CDAN1: variants seen among roughly 807,000 people sequenced by gnomAD.
CDAN1 encodes the protein codanin 1.
In CDAN1, 107 loss-of-function variants were observed where a neutral mutation model predicts 139.8. The observed-to-expected ratio is 0.77, with a 90% confidence interval of 0.65 to 0.90. The LOEUF is 0.90. CDAN1 is among the 40% of genes least tolerant of loss of function. CDAN1 has a pLI of 0.00. For synonymous variants in CDAN1, 776 were observed against 660.6 expected (o/e 1.17, Z -2.68); for missense variants, 1,667 against 1,575.7 (o/e 1.06, Z -0.98).
intron 23 of CDAN1, 171 bp from the exon 24 acceptor site, chr15:42,726,588 C>A: frequency 1.6e-6 from 1 of 610,918 alleles, no homozygotes; most frequent in Non-Finnish European, 2.9e-6. Context: ...ATAATACAGC[C>A]AGGGGAAGCA....
At chr15:42,734,951 G>A in intron 6 of CDAN1, 149 bp downstream of exon 6, 1 of 709,986 alleles carries the variant, frequency 1.4e-6, no homozygotes, top group Non-Finnish European at 2.6e-6. Context: ...TACATTCATA[G>A]CCTTAACACA....
chr15:42,733,230 C>T, intron 8 of CDAN1, 44 bp from the exon 9 acceptor site: 1 of 1,487,616 alleles, frequency 6.7e-7, no homozygotes, highest in Non-Finnish European at 9.4e-7. Flanking sequence ...CTCACTCCCA[C>T]CAGTGCCTTC....
intron 8 of CDAN1, among the ~76,000 whole-genome samples, chr15:42,733,486 C>T (rs1254248613): frequency 1.3e-5 from 2 of 152,040 alleles, no homozygotes; most frequent in Admixed American, 6.6e-5. Context: ...CATGTTGGCC[C>T]GGCTGGTCTC....
rs754345967 is a variant in CDAN1, at chr15:42,725,214, TCCA to T, written c.3485_3487del (p.Val1162del). The T allele has an allele frequency of 1.2e-5, 20 of 1,614,140 alleles. No individual in the cohort carries two copies. In the East Asian group the frequency reaches 4.0e-4, roughly 32 times the overall value. On this transcript the variant is annotated inframe_deletion, in exon 27 of 28. Transcript: ENST00000356231. ...CTCCATCCGTCCCATCAGACCCTTC[TCCA>T]CCAGCTCCCGTAGCAAGAATAGCAG...
At chr15:42,731,366 G>A (rs760353879) in intron 11 of CDAN1, 35 bp from the exon 12 acceptor site, 1 of 1,612,050 alleles carries the variant, frequency 6.2e-7, no homozygotes, top group Non-Finnish European at 8.5e-7. Flanking sequence ...ATAAGCACTG[G>A]AAGAGGTACA....
intron 2 of CDAN1, 85 bp downstream of exon 2, chr15:42,736,217 G>C (rs1488036441): frequency 6.3e-7 from 1 of 1,588,724 alleles, no homozygotes; most frequent in Non-Finnish European, 8.6e-7. Context: ...CCATCCTGGC[G>C]CTCCACTGCG....
At position 42,735,952 on chromosome 15, in the gene CDAN1, G is replaced by GT. The variant is rs2061681774; in HGVS notation, c.695dup (p.Asp232GlufsTer3). 6.2e-7 allele frequency: 1 copy of GT among 1,614,072 alleles called. No individual in the cohort carries two copies. The highest frequency in any genetic ancestry group is 8.5e-7 in the Non-Finnish European group (1 of 1,180,024). On this transcript the variant is annotated frameshift_variant, in exon 3 of 28. Transcript: ENST00000356231. LOFTEE classifies it high-confidence loss of function. ...GAAGGCCAAGGCCCCAAGGGCTAGTGTCCAGGGCTGAGGGTTGGGAACTGG... is the reference window on the plus strand; with the variant it reads ...GAAGGCCAAGGCCCCAAGGGCTAGTGTTCCAGGGCTGAGGGTTGGGAACTGG...
Position 42,728,746 on chromosome 15 carries a change from G to A in CDAN1, c.2710C>T (p.Gln904Ter). Residue 904 changes from glutamine (Q) to a stop codon, truncating the protein, a stop_gained, in exon 20 of 28, where the codon CAG (glutamine) becomes TAG (stop). Transcript: ENST00000356231. LOFTEE classifies it high-confidence loss of function. ...GCTGGGTCTCCCCCTTCCTCTCCCT[G>A]TGTCACCAGCTGCTCTTGGAGAAGT... The part of the protein sequence containing the change: ...ESLLQEQLVT[Q>*]GEEGGDPAQL... 15 of 1,614,186 alleles carry A rather than the reference G, an allele frequency of 9.3e-6. No homozygotes were observed. Among genetic ancestry groups the A allele is most frequent in the Non-Finnish European group, 1.3e-5 (15 of 1,180,030 alleles).
intron 11 of CDAN1, 63 bp from the exon 12 acceptor site, chr15:42,731,394 G>T: frequency 6.2e-7 from 1 of 1,606,598 alleles, no homozygotes. Context: ...CCAGAATCGA[G>T]AAGGGGCACT....
At position 42,736,749 on chromosome 15, in the gene CDAN1, G is replaced by A. The variant is rs1467675462; in HGVS notation, c.122C>T (p.Ser41Leu). ...DNAGEAAALS[S>L]LRALRKEFVP... ...GAATTCTTTCCGCAGGGCCCGGAGTGAGCTCAGCGCGGCCGCCTCCCCAGC... is the reference window on the plus strand; with the variant it reads ...GAATTCTTTCCGCAGGGCCCGGAGTAAGCTCAGCGCGGCCGCCTCCCCAGC... The change falls in exon 2 of 28, where the codon TCA becomes TTA. Residue 41 changes from serine to leucine, a missense_variant. By Grantham distance (145) the Ser-to-Leu change is moderately radical. Coordinates refer to ENST00000356231, the MANE Select transcript of CDAN1 (RefSeq NM_138477.4). 6.4e-7 allele frequency: 1 copy of A among 1,555,742 alleles called. No individual in the cohort carries two copies. Among genetic ancestry groups the A allele is most frequent in the Non-Finnish European group, 8.7e-7 (1 of 1,155,994 alleles).
rs1484118648 is a variant in CDAN1, at chr15:42,731,682, G to A, written c.1677C>T (p.Cys559=). 6.2e-7 allele frequency: 1 copy of A among 1,614,066 alleles called. No individual in the cohort carries two copies. Among genetic ancestry groups the A allele is most frequent in the Non-Finnish European group, 8.5e-7 (1 of 1,179,976 alleles). ...GACAGCCTGGGAAGGTGGGGGGTGG[G>A]CAGGGCCCCCCACTGCTCTGAGGAG... ...LMAPQSSGGP[C]PPPTFPGCQG... The change falls in exon 11 of 28, where the codon TGC becomes TGT. Residue 559 remains cysteine (C), a synonymous_variant. Transcript: ENST00000356231.
rs1566978210 is a variant in CDAN1, at chr15:42,725,269, G to C, written c.3451-18C>G. On this transcript the variant is annotated intron_variant, in intron 26 of 27. Coordinates refer to ENST00000356231, the MANE Select transcript of CDAN1 (RefSeq NM_138477.4). ...AAGTCCCACTGCAAAACACACCGAG[G>C]TCAGGGTTGCTAGGAGGACGACAGA... The C allele has an allele frequency of 6.2e-7, 1 of 1,609,722 alleles. No homozygotes were observed. Among genetic ancestry groups the C allele is most frequent in the Admixed American group, 1.7e-5 (1 of 59,996 alleles).
In CDAN1 at chr15:42,730,769, G is replaced by A. The variant is rs2061600818; in HGVS notation, c.2008-5C>T. On this transcript the variant is annotated splice_region_variant and splice_polypyrimidine_tract_variant and intron_variant, in intron 13 of 27. Coordinates refer to ENST00000356231, the MANE Select transcript of CDAN1 (RefSeq NM_138477.4). Reference sequence around the variant, plus strand: ...CACATCCAGGACCGGAGGGACCTGGGAGGGCCAGAGCTCAGTCAGGGGGCA... The same window carrying A: ...CACATCCAGGACCGGAGGGACCTGGAAGGGCCAGAGCTCAGTCAGGGGGCA... 1.2e-6 allele frequency: 2 copies of A among 1,612,440 alleles called. No homozygotes were observed. The highest frequency in any genetic ancestry group is 1.7e-6 in the Non-Finnish European group (2 of 1,179,234).
Position 42,724,438 on chromosome 15 carries a change from G to A in CDAN1, c.*53C>T, listed in dbSNP as rs1270057083. ...ATTGGGCACTTGGGCCTCCTCGTGA[G>A]GCGGGGGTCCAGGGTTCTGGTGCAA... On this transcript the variant is annotated 3_prime_UTR_variant, in exon 28 of 28. Coordinates refer to ENST00000356231, the MANE Select transcript of CDAN1 (RefSeq NM_138477.4). 2.6e-6 allele frequency: 4 copies of A among 1,558,092 alleles called. No individual in the cohort carries two copies. Among genetic ancestry groups the A allele is most frequent in the Non-Finnish European group, 3.5e-6 (4 of 1,151,424 alleles).
At chr15:42,736,192 C>T in intron 2 of CDAN1, 110 bp downstream of exon 2, 1 of 1,575,348 alleles carries the variant, frequency 6.3e-7, no homozygotes, top group Non-Finnish European at 8.6e-7. Context: ...CTCACCATCA[C>T]CCCCAGCCTT....
chr15:42,730,553 C>G, intron 14 of CDAN1, 45 bp downstream of exon 14: 1 of 1,607,320 alleles, frequency 6.2e-7, no homozygotes, highest in Non-Finnish European at 8.5e-7. Flanking sequence ...ACCAATGTCC[C>G]GAGTCCCGAA....
At chr15:42,732,737 C>T (rs1452513132) in intron 9 of CDAN1, among the ~76,000 whole-genome samples, 1 of 152,142 alleles carries the variant, frequency 6.6e-6, no homozygotes, top group African/African-American at 2.4e-5. Context: ...CAGGCATCTA[C>T]CTGCACAGTG....
intron 8 of CDAN1, 92 bp from the exon 9 acceptor site, chr15:42,733,278 C>T (rs2061641524): frequency 2.1e-5 from 18 of 838,298 alleles, no homozygotes; most frequent in South Asian, 4.5e-5. Flanking sequence ...CACCCACCAC[C>T]TTTTTTTTTT....
At chr15:42,724,705 G>C in intron 27 of CDAN1, 89 bp from the exon 28 acceptor site, 1 of 1,484,434 alleles carries the variant, frequency 6.7e-7, no homozygotes, top group East Asian at 2.5e-5. Flanking sequence ...AACCTGGCTG[G>C]CTATATTATT....
Sources: gnomAD v4.1 joint callset for allele counts (sites outside exome capture counted in the v4.1 genomes callset) on GRCh38, gnomAD v4.1.1 for gene constraint, MANE v1.5 for transcripts, NCBI Gene and HGNC (gene_info 2026-07-23, HGNC 2026-07-21) for gene names.